PRKCA: variants seen among roughly 807,000 people sequenced by gnomAD.
PRKCA encodes protein kinase C alpha type.
In PRKCA, 27 loss-of-function variants were observed where a neutral mutation model predicts 87.0. The ratio of observed to expected loss-of-function variants is 0.31; its 90% CI spans 0.23 to 0.43. The LOEUF is 0.43. PRKCA is among the 20% of genes least tolerant of loss of function. The pLI is 1.00. For missense variants in PRKCA, 518 were observed against 852.3 expected (o/e 0.61, Z 4.88); for synonymous variants, 329 against 311.1 (o/e 1.06, Z -0.61).
chr17:66,480,991 A>C (rs571956826), intron 2 of PRKCA, among the ~76,000 whole-genome samples: 46 of 151,586 alleles, frequency 3.0e-4, no homozygotes, highest in African/African-American at 9.9e-4. Context: ...TCTTTCCATA[A>C]TTTTACATAG....
chr17:66,571,591 C>T (rs1309292461), intron 3 of PRKCA, among the ~76,000 whole-genome samples: 1 of 151,208 alleles, frequency 6.6e-6, no homozygotes, highest in Admixed American at 6.6e-5. Flanking sequence ...GAAAAAAACC[C>T]CATGTTTTAA....
chr17:66,573,837 T>G (rs1969149386), intron 3 of PRKCA, among the ~76,000 whole-genome samples: 1 of 152,102 alleles, frequency 6.6e-6, no homozygotes, highest in Admixed American at 6.6e-5. Flanking sequence ...CCTAGAAAAA[T>G]GGCCTCCCTG....
intron 8 of PRKCA, among the ~76,000 whole-genome samples, chr17:66,724,122 A>C (rs548374395): frequency 1.3e-5 from 2 of 152,122 alleles, no homozygotes; most frequent in Non-Finnish European, 2.9e-5. Context: ...GATGGGGCCC[A>C]AGAGTCTGCA....
chr17:66,641,512 A>C, intron 4 of PRKCA, 46 bp downstream of exon 4: 239 of 1,424,132 alleles, frequency 1.7e-4, no homozygotes, highest in Non-Finnish European at 2.2e-4. Flanking sequence ...TCTGTAGCTC[A>C]TGCTCAGGGT....
intron 2 of PRKCA, among the ~76,000 whole-genome samples, chr17:66,457,271 T>C (rs184922630): frequency 6.6e-6 from 1 of 152,102 alleles, no homozygotes; most frequent in Non-Finnish European, 1.5e-5. Flanking sequence ...ATGTTTTACC[T>C]CTACTGAAGG....
rs1355315827 is a variant in PRKCA at position 66,732,117 on chromosome 17, GAAAAAAAAAATCAA to G, written c.919-560_919-547del. ...TGTGAGTTCAACTCTTGATTTAAAA[GAAAAAAAAAATCAA>G]AAAAAAAAAAACAACCCAACCCCTG... On this transcript the variant is annotated intron_variant, in intron 8 of 16. Coordinates refer to ENST00000413366, the MANE Select transcript of PRKCA (RefSeq NM_002737.3). 1.4e-3 allele frequency among the ~76,000 whole-genome samples: 169 copies of G among 125,146 alleles called. 2 individuals are homozygous for G. Among genetic ancestry groups the G allele is most frequent in the African/African-American group, 4.4e-3 (152 of 34,360 alleles). 82.1% of individuals were successfully genotyped at this position (125,146 alleles called of 152,430 possible).
intron 14 of PRKCA, among the ~76,000 whole-genome samples, chr17:66,781,571 G>A (rs1389007339): frequency 7.2e-5 from 11 of 152,148 alleles, no homozygotes; most frequent in Admixed American, 7.2e-4. Flanking sequence ...GATACCAATA[G>A]TCTACATCTT....
intron 13 of PRKCA, among the ~76,000 whole-genome samples, chr17:66,746,063 A>G (rs1198753461): frequency 1.3e-5 from 2 of 149,768 alleles, no homozygotes; most frequent in Non-Finnish European, 1.5e-5. Context: ...GAAAATCTAT[A>G]TGTGGATTCC....
chr17:66,443,858 A>G (rs1913897964), intron 2 of PRKCA, among the ~76,000 whole-genome samples: 1 of 152,112 alleles, frequency 6.6e-6, no homozygotes, highest in African/African-American at 2.4e-5. Flanking sequence ...GTACCAAGGG[A>G]GGAGGAAAAG....
intron 2 of PRKCA, among the ~76,000 whole-genome samples, chr17:66,388,346 G>A (rs1567803205): frequency 6.6e-6 from 1 of 151,788 alleles, no homozygotes; most frequent in Non-Finnish European, 1.5e-5. Flanking sequence ...CCAGACTGGA[G>A]TGTAATGGCG....
intron 3 of PRKCA, among the ~76,000 whole-genome samples, chr17:66,503,297 G>A (rs539971952): frequency 9.2e-5 from 14 of 152,232 alleles, no homozygotes; most frequent in East Asian, 7.7e-4. Context: ...TGTTTGAACC[G>A]TCCCGTTGAA....
chr17:66,743,192 G>T (rs1974195521), intron 13 of PRKCA, among the ~76,000 whole-genome samples: 1 of 152,134 alleles, frequency 6.6e-6, no homozygotes, highest in Non-Finnish European at 1.5e-5. Context: ...CAGGGATGGT[G>T]GTGCACACCT....
At chr17:66,440,218 A>G (rs1475538359) in intron 2 of PRKCA, among the ~76,000 whole-genome samples, 4 of 152,238 alleles carry the variant, frequency 2.6e-5, no homozygotes, top group African/African-American at 9.6e-5. Flanking sequence ...CAAGGCGAAT[A>G]AAAATAGCCC....
chr17:66,782,773 C>T (rs925235785), intron 14 of PRKCA, among the ~76,000 whole-genome samples: 1 of 152,200 alleles, frequency 6.6e-6, no homozygotes, highest in Non-Finnish European at 1.5e-5. Flanking sequence ...TACCCTCTGC[C>T]TCACTTCACC....
At chr17:66,723,350 T>TG (rs34577968) in intron 8 of PRKCA, among the ~76,000 whole-genome samples, 24 of 152,126 alleles carry the variant, frequency 1.6e-4, no homozygotes, top group African/African-American at 5.3e-4. Context: ...AGAGTAATGT[T>TG]GGGTGCGGTG....
chr17:66,407,276 C>T (rs369754635), intron 2 of PRKCA, among the ~76,000 whole-genome samples: 2 of 151,290 alleles, frequency 1.3e-5, no homozygotes, highest in African/African-American at 2.4e-5. Flanking sequence ...ATCATGGGGG[C>T]GGATCCTTTG....
intron 3 of PRKCA, among the ~76,000 whole-genome samples, chr17:66,590,642 A>T (rs1354343758): frequency 6.6e-6 from 1 of 151,916 alleles, no homozygotes; most frequent in African/African-American, 2.4e-5. Flanking sequence ...TGAGGTCTGG[A>T]GTTCTGAGAC....
rs374301093 is a variant in PRKCA at position 66,519,752 on chromosome 17, A to G, written c.288+23469A>G. ...ATCACCTGGGAGCTCATTAGCAGATATTCACACACCACAGATCTTCTGAAG... is the reference window on the plus strand; with the variant it reads ...ATCACCTGGGAGCTCATTAGCAGATGTTCACACACCACAGATCTTCTGAAG... On this transcript the variant is annotated intron_variant, in intron 3 of 16. Transcript: ENST00000413366. Among the ~76,000 whole-genome samples the G allele has an allele frequency of 1.2e-4, 18 of 152,246 alleles. No individual in the cohort carries two copies. In the East Asian group the frequency reaches 3.3e-3, roughly 28 times the overall value.
intron 13 of PRKCA, among the ~76,000 whole-genome samples, chr17:66,767,929 T>C (rs1974846220): frequency 6.6e-6 from 1 of 152,146 alleles, no homozygotes; most frequent in Admixed American, 6.5e-5. Flanking sequence ...GGCAATATGA[T>C]AGCCTATTAA....
Sources: allele counts gnomAD v4.1 joint callset (sites outside exome capture counted in the v4.1 genomes callset), GRCh38; gene constraint gnomAD v4.1.1; transcripts MANE v1.5; gene names NCBI Gene and HGNC (gene_info 2026-07-23, HGNC 2026-07-21).